RSU1: variants seen among roughly 807,000 people sequenced by gnomAD.
RSU1 encodes rsu-1.
In RSU1, 26 loss-of-function variants were observed where a neutral mutation model predicts 31.1. That is an observed-to-expected ratio of 0.84 (90% CI 0.61 to 1.16). The LOEUF (loss-of-function observed/expected upper bound fraction) is 1.16, where lower values mean the gene tolerates loss of function less well. Among genes scored for constraint, RSU1 ranks in the 50% most tolerant of loss-of-function variants. The probability of loss-of-function intolerance (pLI) is 0.00; values close to 1 mark genes in which losing one functional copy is unlikely to be tolerated. For synonymous variants in RSU1, 164 were observed against 136.3 expected (o/e 1.20, Z -1.41); for missense variants, 320 against 339.1 (o/e 0.94, Z 0.44).
At chr10:16,625,102 A>G (rs961096595) in intron 8 of RSU1, among the ~76,000 whole-genome samples, 1 of 152,202 alleles carries the variant, frequency 6.6e-6, no homozygotes, top group African/African-American at 2.4e-5. Context: ...TAATATAATA[A>G]ACAAAGACAA....
chr10:16,795,618 A>C (rs1337474347), intron 2 of RSU1, among the ~76,000 whole-genome samples: 1 of 152,150 alleles, frequency 6.6e-6, no homozygotes, highest in Non-Finnish European at 1.5e-5. Context: ...GCTGTTTCCA[A>C]ACAAGAAGCT....
intron 8 of RSU1, among the ~76,000 whole-genome samples, chr10:16,620,241 C>T (rs185179793): frequency 2.6e-5 from 4 of 152,022 alleles, no homozygotes; most frequent in Non-Finnish European, 4.4e-5. Flanking sequence ...AAGTTAAAAG[C>T]GAAAATGCAC....
intron 2 of RSU1, among the ~76,000 whole-genome samples, chr10:16,793,926 G>C (rs935512095): frequency 1.3e-5 from 2 of 151,742 alleles, no homozygotes; most frequent in South Asian, 2.1e-4. Context: ...ATTAGCATTT[G>C]AATCAGGGGA....
intron 2 of RSU1, among the ~76,000 whole-genome samples, chr10:16,796,955 G>A (rs766687244): frequency 6.6e-6 from 1 of 152,194 alleles, no homozygotes; most frequent in African/African-American, 2.4e-5. Flanking sequence ...GAGAACCCAA[G>A]GGGCAACTAA....
At chr10:16,811,030 A>C (rs1230137088) in intron 2 of RSU1, among the ~76,000 whole-genome samples, 2 of 151,588 alleles carry the variant, frequency 1.3e-5, no homozygotes, top group Non-Finnish European at 2.9e-5. Context: ...TCAAAAACAC[A>C]AACAAACAAT....
intron 8 of RSU1, among the ~76,000 whole-genome samples, chr10:16,672,002 TA>T (rs1278298538): frequency 6.7e-6 from 1 of 150,214 alleles, no homozygotes; most frequent in Non-Finnish European, 1.5e-5. Context: ...TGCAGTTACT[TA>T]AAAAGGTAAA....
At chr10:16,712,376 G>A (rs1836038830) in intron 7 of RSU1, among the ~76,000 whole-genome samples, 1 of 152,008 alleles carries the variant, frequency 6.6e-6, no homozygotes, top group African/African-American at 2.4e-5. Flanking sequence ...GTTGTTTTCT[G>A]CTTGTTTTGT....
At chr10:16,609,292 CTGCCTCTGGCTAGGGGA>C (rs1833856241) in intron 8 of RSU1, among the ~76,000 whole-genome samples, 1 of 152,236 alleles carries the variant, frequency 6.6e-6, no homozygotes. Context: ...CACCTAGGAG[CTGCCTCTGGCTAGGGGA>C]GAGCCTTAGC....
At chr10:16,672,026 C>T (rs1401569339) in intron 8 of RSU1, among the ~76,000 whole-genome samples, 2 of 148,976 alleles carry the variant, frequency 1.3e-5, no homozygotes, top group East Asian at 2.1e-4. Flanking sequence ...TGGCCAGACG[C>T]GGTGGCTCAT....
chr10:16,765,083 G>C lies in RSU1; in HGVS notation c.161-573C>G, dbSNP rs556141409. ...TTATGAAGCATATATACTTATGGTT[G>C]TCATATATGATCTTATAGGTGCAAT... On this transcript the variant is annotated intron_variant, in intron 3 of 8. Transcript: ENST00000345264. 5.9e-5 allele frequency among the ~76,000 whole-genome samples: 9 copies of C among 152,078 alleles called. No individual in the cohort carries two copies. The South Asian group carries it at 1.9e-3, about 32-fold the overall frequency.
At position 16,764,469 on chromosome 10, in the gene RSU1, G is replaced by C. The variant is rs1837274022; in HGVS notation, c.202C>G (p.Leu68Val). ...NIAELKNLEV[L>V]NFFNNQIEEL... ...TCGATTTGGTTATTAAAAAAGTTGAGCACCTCCAAATTCTTCAGTTCTGCG... is the reference window on the plus strand; with the variant it reads ...TCGATTTGGTTATTAAAAAAGTTGACCACCTCCAAATTCTTCAGTTCTGCG... Residue 68 changes from leucine (L) to valine (V), a missense_variant, in exon 4 of 9, where the codon CTC becomes GTC. Leu to Val is a conservative substitution (Grantham distance 32). Coordinates refer to ENST00000345264, the MANE Select transcript of RSU1 (RefSeq NM_012425.4). 6.2e-7 allele frequency: 1 copy of C among 1,613,920 alleles called. No individual in the cohort carries two copies.
chr10:16,756,672 AAGGCTTCC>A (rs1399168163), intron 4 of RSU1, among the ~76,000 whole-genome samples: 1 of 152,260 alleles, frequency 6.6e-6, no homozygotes, highest in Non-Finnish European at 1.5e-5. Flanking sequence ...TAGTTTTGGT[AAGGCTTCC>A]AGCCAACTGT....
chr10:16,789,895 A>G (rs1315775351), intron 2 of RSU1, among the ~76,000 whole-genome samples: 1 of 152,232 alleles, frequency 6.6e-6, no homozygotes, highest in Non-Finnish European at 1.5e-5. Context: ...CAACTCAGTA[A>G]CTAAGAAAAC....
chr10:16,770,543 T>C (rs1211032242), intron 3 of RSU1, among the ~76,000 whole-genome samples: 2 of 152,336 alleles, frequency 1.3e-5, no homozygotes, highest in East Asian at 1.9e-4. Context: ...TACACCCAAC[T>C]GTTTTTGCAG....
At chr10:16,732,563 A>C (rs1299238964) in intron 7 of RSU1, among the ~76,000 whole-genome samples, 1 of 152,212 alleles carries the variant, frequency 6.6e-6, no homozygotes, top group African/African-American at 2.4e-5. Context: ...TTCCCAGCCC[A>C]AAGAACCATG....
chr10:16,795,530 A>T (rs570638134), intron 2 of RSU1, among the ~76,000 whole-genome samples: 1 of 152,246 alleles, frequency 6.6e-6, no homozygotes, highest in African/African-American at 2.4e-5. Context: ...TCAATTTTAG[A>T]TGAGAAAAAT....
At chr10:16,710,672 T>C (rs1035001464) in intron 7 of RSU1, among the ~76,000 whole-genome samples, 7 of 148,004 alleles carry the variant, frequency 4.7e-5, no homozygotes, top group Non-Finnish European at 7.6e-5. Flanking sequence ...TTAAATTTTT[T>C]TATTTTTTAT....
intron 7 of RSU1, among the ~76,000 whole-genome samples, chr10:16,705,932 A>T (rs1000707127): frequency 6.6e-6 from 1 of 152,188 alleles, no homozygotes; most frequent in Non-Finnish European, 1.5e-5. Context: ...ACACACCACC[A>T]CACCCAGCCC....
At chr10:16,675,774 T>C (rs1290217100) in intron 8 of RSU1, among the ~76,000 whole-genome samples, 1 of 152,172 alleles carries the variant, frequency 6.6e-6, no homozygotes, top group Non-Finnish European at 1.5e-5. Flanking sequence ...TTTTTCTGCT[T>C]TGTCACTCAA....
Sources: allele counts gnomAD v4.1 joint callset (sites outside exome capture counted in the v4.1 genomes callset), GRCh38; gene constraint gnomAD v4.1.1; transcripts MANE v1.5; gene names NCBI Gene and HGNC (gene_info 2026-07-23, HGNC 2026-07-21).